Variants in LAMA4 observed in about 807,000 individuals in gnomAD.
LAMA4 encodes the protein laminin subunit alpha-4.
LAMA4 carries 127 observed loss-of-function variants against 207.1 expected under a neutral mutation model. That is an observed-to-expected ratio of 0.61 (90% CI 0.53 to 0.71). The LOEUF is 0.71. Among genes scored for constraint, LAMA4 ranks in the 30% least tolerant of loss-of-function variants. LAMA4 has a pLI of 0.00. For missense variants in LAMA4, 2,093 were observed against 2,246.5 expected, an observed-to-expected ratio of 0.93 and a Z score of 1.38; for synonymous variants, 761 against 816.0, an observed-to-expected ratio of 0.93 and a Z score of 1.15.
Position 112,120,369 on chromosome 6 carries a change from C to A in LAMA4, c.4579G>T (p.Gly1527Cys). Residue 1527 changes from glycine (G) to cysteine (C), a missense_variant, in exon 33 of 39, where the codon GGC becomes TGC. Gly to Cys is a radical substitution (Grantham distance 159). Coordinates refer to ENST00000230538, the MANE Select transcript of LAMA4 (RefSeq NM_001105206.3). ...ACATTAAACATGTAAACCAAGCGGCCATGGGCCAAAAATAGAGTCATGAAG... is the reference window on the plus strand; with the variant it reads ...ACATTAAACATGTAAACCAAGCGGCAATGGGCCAAAAATAGAGTCATGAAG... ...NDFMTLFLAHGRLVYMFNVGH... is the reference protein window; with the variant it reads ...NDFMTLFLAHCRLVYMFNVGH... The A allele has an allele frequency of 6.2e-7, 1 of 1,613,972 alleles. No individual in the cohort carries two copies.
chr6:112,182,097 AAAATAAATAAATAAAT>A (rs58426217), intron 9 of LAMA4, among the ~76,000 whole-genome samples: 3 of 148,648 alleles, frequency 2.0e-5, no homozygotes, highest in Admixed American at 1.3e-4. Context: ...ACTCTGTCTG[AAAATAAATAAATAAAT>A]AAATAAATAA....
At chr6:112,158,641 T>C in intron 14 of LAMA4, 91 bp downstream of exon 14, 2 of 1,286,712 alleles carry the variant, frequency 1.6e-6, no homozygotes, top group East Asian at 2.3e-5. Flanking sequence ...CCTGGTAAAA[T>C]TGTATCCCAG....
intron 13 of LAMA4, 186 bp from the exon 14 acceptor site, chr6:112,159,066 G>A (rs1016357601): frequency 2.8e-5 from 16 of 577,238 alleles, no homozygotes; most frequent in Admixed American, 1.2e-4. Context: ...TCTTTCTTCT[G>A]TATTGATTGC....
chr6:112,155,449 C>A, intron 15 of LAMA4, 116 bp downstream of exon 15: 3 of 1,175,984 alleles, frequency 2.6e-6, no homozygotes, highest in South Asian at 2.6e-5. Flanking sequence ...AGTTCCCCTG[C>A]CTTTTCCACT....
intron 9 of LAMA4, among the ~76,000 whole-genome samples, chr6:112,184,337 A>C (rs1254792765): frequency 2.6e-5 from 4 of 152,006 alleles, no homozygotes; most frequent in East Asian, 1.9e-4. Context: ...AAAAAAAAAA[A>C]AACTGTGTTA....
chr6:112,129,786 C>T, intron 30 of LAMA4, 90 bp downstream of exon 30: 3 of 1,052,946 alleles, frequency 2.8e-6, no homozygotes, highest in Middle Eastern at 4.9e-4. Flanking sequence ...GCCTCAGATA[C>T]ATTTCATAGT....
chr6:112,198,963 G>C (rs908511857), intron 5 of LAMA4, among the ~76,000 whole-genome samples: 1 of 152,172 alleles, frequency 6.6e-6, no homozygotes, highest in Non-Finnish European at 1.5e-5. Context: ...GAACTTGCCC[G>C]GGTGGGTCAC....
chr6:112,180,711 ATATT>A (rs1482316991), intron 9 of LAMA4, among the ~76,000 whole-genome samples: 2 of 152,176 alleles, frequency 1.3e-5, no homozygotes, highest in African/African-American at 4.8e-5. Flanking sequence ...GGGTGATCAT[ATATT>A]TTATGGTTCA....
At chr6:112,129,610 G>A (rs1176952918) in intron 30 of LAMA4, among the ~76,000 whole-genome samples, 1 of 152,002 alleles carries the variant, frequency 6.6e-6, no homozygotes, top group Non-Finnish European at 1.5e-5. Context: ...TACCCTTCAT[G>A]ACAAACCTAC....
intron 5 of LAMA4, among the ~76,000 whole-genome samples, chr6:112,197,472 A>G (rs1008742814): frequency 6.6e-6 from 1 of 152,230 alleles, no homozygotes; most frequent in Non-Finnish European, 1.5e-5. Flanking sequence ...AAGCATTTTC[A>G]TGTAATACCC....
intron 12 of LAMA4, among the ~76,000 whole-genome samples, chr6:112,169,155 C>T (rs185571201): frequency 2.2e-4 from 33 of 152,150 alleles, no homozygotes; most frequent in South Asian, 1.0e-3. Flanking sequence ...ACCTTGAAAT[C>T]GAATCTGGCA....
chr6:112,125,002 GC>G (rs1449345882), intron 31 of LAMA4, among the ~76,000 whole-genome samples: 3 of 151,980 alleles, frequency 2.0e-5, no homozygotes, highest in African/African-American at 7.3e-5. Context: ...TTTTCCACCT[GC>G]CTTGGCCTCC....
chr6:112,151,163 C>T (rs7758334), intron 16 of LAMA4, among the ~76,000 whole-genome samples: 46,894 of 152,064 alleles, frequency 0.31, 7,742 homozygotes, highest in African/African-American at 0.43. Context: ...TTTGAAGCTC[C>T]CTAGAGCCCC....
intron 24 of LAMA4, among the ~76,000 whole-genome samples, chr6:112,137,713 A>G (rs1779437593): frequency 6.6e-6 from 1 of 152,256 alleles, no homozygotes; most frequent in African/African-American, 2.4e-5. Flanking sequence ...GAGTGATGTG[A>G]AAACATTTTG....
intron 24 of LAMA4, among the ~76,000 whole-genome samples, chr6:112,138,910 C>G (rs1274398635): frequency 2.0e-5 from 3 of 151,994 alleles, no homozygotes; most frequent in African/African-American, 7.3e-5. Flanking sequence ...TATTTATATC[C>G]AAAAATGTAC....
At chr6:112,142,999 A>G (rs1779796202) in intron 19 of LAMA4, among the ~76,000 whole-genome samples, 1 of 152,214 alleles carries the variant, frequency 6.6e-6, no homozygotes, top group Admixed American at 6.5e-5. Flanking sequence ...ATAATGGCTC[A>G]CAGAAAGGCA....
chr6:112,158,780 G>A lies in LAMA4; in HGVS notation c.1769C>T (p.Ala590Val). The A allele has an allele frequency of 6.2e-7, 1 of 1,613,622 alleles. No homozygotes were observed. Among genetic ancestry groups the A allele is most frequent in the Non-Finnish European group, 8.5e-7 (1 of 1,179,618 alleles). The change falls in exon 14 of 39, where the codon GCT becomes GTT. Residue 590 changes from alanine to valine, a missense_variant. Coordinates refer to ENST00000230538, the MANE Select transcript of LAMA4 (RefSeq NM_001105206.3). ...TTGAAGGTCCTGTGCATGGTCAATA[G>A]CTTCTTGGACTAAATCATGGCTGAG... ...SNLSHDLVQE[A>V]IDHAQDLQQE...
At chr6:112,167,588 A>C (rs1781452708) in intron 12 of LAMA4, among the ~76,000 whole-genome samples, 2 of 152,214 alleles carry the variant, frequency 1.3e-5, no homozygotes, top group Non-Finnish European at 2.9e-5. Flanking sequence ...GAATGGTGAA[A>C]GTAGTGTTTA....
chr6:112,230,662 T>C (rs782578430), intron 2 of LAMA4, among the ~76,000 whole-genome samples: 2 of 152,234 alleles, frequency 1.3e-5, no homozygotes, highest in Non-Finnish European at 2.9e-5. Context: ...CCATTCTTTT[T>C]TTCTTTAGGG....
Sources: allele counts gnomAD v4.1 joint callset (sites outside exome capture counted in the v4.1 genomes callset), GRCh38; gene constraint gnomAD v4.1.1; transcripts MANE v1.5; gene names NCBI Gene and HGNC (gene_info 2026-07-23, HGNC 2026-07-21).